Variants in GABRB1 observed in about 807,000 individuals in gnomAD.
The protein encoded by GABRB1 is gamma-aminobutyric acid type A receptor subunit beta1.
GABRB1 carries 17 observed loss-of-function variants against 51.6 expected under a neutral mutation model. That is an observed-to-expected ratio of 0.33 (90% CI 0.23 to 0.49). The LOEUF is 0.49. Among genes scored for constraint, GABRB1 ranks in the 20% least tolerant of loss-of-function variants. The pLI, the probability that GABRB1 is intolerant of heterozygous loss-of-function variation, is 0.99. For synonymous variants in GABRB1, 247 were observed against 218.9 expected, an observed-to-expected ratio of 1.13 and a Z score of -1.14; for missense variants, 410 against 600.6, an observed-to-expected ratio of 0.68 and a Z score of 3.32.
chr4:47,199,623 G>C (rs1275518967), intron 4 of GABRB1, among the ~76,000 whole-genome samples: 1 of 152,106 alleles, frequency 6.6e-6, no homozygotes, highest in Non-Finnish European at 1.5e-5. Flanking sequence ...GGGAGCCTTG[G>C]GCATAGAGGA....
At chr4:47,215,048 G>A (rs1384550105) in intron 4 of GABRB1, among the ~76,000 whole-genome samples, 1 of 152,036 alleles carries the variant, frequency 6.6e-6, no homozygotes, top group Non-Finnish European at 1.5e-5. Flanking sequence ...GTGTCGGTAT[G>A]GCCATGGGAT....
chr4:47,348,761 G>C (rs961508179), intron 5 of GABRB1, among the ~76,000 whole-genome samples: 1 of 152,140 alleles, frequency 6.6e-6, no homozygotes, highest in Non-Finnish European at 1.5e-5. Context: ...TGTGTTTTCA[G>C]AAATCACTCT....
chr4:47,354,983 T>TTG (rs1560348553), intron 5 of GABRB1, among the ~76,000 whole-genome samples: 1 of 94,622 alleles, frequency 1.1e-5, no homozygotes, highest in African/African-American at 4.3e-5. Flanking sequence ...TTCCTTTGTT[T>TTG]TTTTTTTTTT....
At chr4:47,004,732 C>A (rs1300949815) in intron 1 of GABRB1, among the ~76,000 whole-genome samples, 2 of 152,118 alleles carry the variant, frequency 1.3e-5, no homozygotes, top group African/African-American at 4.8e-5. Context: ...GACACAGTCT[C>A]TTCGAATCTG....
intron 4 of GABRB1, among the ~76,000 whole-genome samples, chr4:47,176,010 C>T (rs1167385876): frequency 1.3e-5 from 2 of 152,114 alleles, no homozygotes; most frequent in Admixed American, 1.3e-4. Flanking sequence ...TTGTACACAA[C>T]TAATTTTTCT....
At chr4:47,172,137 C>A (rs1275161171) in intron 4 of GABRB1, among the ~76,000 whole-genome samples, 1 of 152,274 alleles carries the variant, frequency 6.6e-6, no homozygotes, top group Middle Eastern at 3.4e-3. Flanking sequence ...GATTACGCAG[C>A]ATCCCATCAT....
Position 47,222,142 on chromosome 4 carries a change from A to G in GABRB1, c.461+60673A>G, listed in dbSNP as rs1010292186. On this transcript the variant is annotated intron_variant, in intron 4 of 8. Transcript: ENST00000295454. ...AGAAAGCAAAGCATCATCTCCATCAACTTCAGCTGGAAATGTGTGTGCCAG... is the reference window on the plus strand; with the variant it reads ...AGAAAGCAAAGCATCATCTCCATCAGCTTCAGCTGGAAATGTGTGTGCCAG... 3.9e-5 allele frequency among the ~76,000 whole-genome samples: 6 copies of G among 152,192 alleles called. No homozygotes were observed. In the East Asian group the frequency reaches 1.2e-3, roughly 29 times the overall value.
At chr4:47,235,588 T>C (rs983067551) in intron 4 of GABRB1, among the ~76,000 whole-genome samples, 1 of 151,892 alleles carries the variant, frequency 6.6e-6, no homozygotes, top group African/African-American at 2.4e-5. Flanking sequence ...CATAGCATTT[T>C]ATATCTAGAA....
chr4:47,038,909 G>C (rs1725711373), intron 3 of GABRB1, among the ~76,000 whole-genome samples: 1 of 152,086 alleles, frequency 6.6e-6, no homozygotes, highest in Non-Finnish European at 1.5e-5. Flanking sequence ...CTAAATATTA[G>C]TACATAGTTC....
intron 3 of GABRB1, among the ~76,000 whole-genome samples, chr4:47,118,869 C>A (rs1303557334): frequency 6.6e-6 from 1 of 152,070 alleles, no homozygotes; most frequent in Admixed American, 6.5e-5. Context: ...ATATTAACAA[C>A]CAAAACTGCT....
chr4:47,012,480 A>C (rs1411623493), intron 1 of GABRB1, among the ~76,000 whole-genome samples: 1 of 152,202 alleles, frequency 6.6e-6, no homozygotes, highest in Non-Finnish European at 1.5e-5. Flanking sequence ...CAGTTTGCTA[A>C]GGATAATGGT....
intron 4 of GABRB1, among the ~76,000 whole-genome samples, chr4:47,172,756 C>G (rs915786246): frequency 1.3e-5 from 2 of 148,712 alleles, no homozygotes; most frequent in Non-Finnish European, 3.0e-5. Flanking sequence ...AGTATCCTAC[C>G]TCAGCCTCCC....
chr4:47,032,609 C>G (rs41309288), intron 3 of GABRB1, 125 bp downstream of exon 3: 465,692 of 854,730 alleles, frequency 0.54, 127,951 homozygotes, highest in East Asian at 0.67. Flanking sequence ...CACTCCGCAC[C>G]CGCTCCCCGC....
intron 5 of GABRB1, among the ~76,000 whole-genome samples, chr4:47,354,986 T>TG (rs1560348572): frequency 2.3e-5 from 3 of 130,416 alleles, no homozygotes; most frequent in Admixed American, 7.6e-5. Flanking sequence ...CTTTGTTTTT[T>TG]TTTTTTTTTT....
At chr4:47,403,806 A>G in intron 7 of GABRB1, 95 bp downstream of exon 7, 2 of 1,217,656 alleles carry the variant, frequency 1.6e-6, no homozygotes, top group Non-Finnish European at 2.3e-6. Flanking sequence ...TCTTATAGCA[A>G]GCCAAAGAAT....
chr4:47,237,369 C>G (rs1347429840), intron 4 of GABRB1, among the ~76,000 whole-genome samples: 1 of 151,904 alleles, frequency 6.6e-6, no homozygotes, highest in African/African-American at 2.4e-5. Flanking sequence ...GTTTCATATT[C>G]TCTAGGAAAT....
At chr4:47,344,695 T>C (rs201227919) in intron 5 of GABRB1, among the ~76,000 whole-genome samples, 1 of 151,958 alleles carries the variant, frequency 6.6e-6, no homozygotes, top group Admixed American at 6.6e-5. Context: ...GCACATTTTT[T>C]TGTTTTGTTT....
chr4:47,235,382 C>G (rs538008497), intron 4 of GABRB1, among the ~76,000 whole-genome samples: 2 of 152,210 alleles, frequency 1.3e-5, no homozygotes, highest in African/African-American at 4.8e-5. Context: ...AAACCCGTCT[C>G]TACTAAAAAT....
chr4:47,082,186 A>T (rs1727878999), intron 3 of GABRB1, among the ~76,000 whole-genome samples: 1 of 152,084 alleles, frequency 6.6e-6, no homozygotes, highest in South Asian at 2.1e-4. Flanking sequence ...TATTTACATG[A>T]TACTTTTATA....
Sources: allele counts gnomAD v4.1 joint callset (sites outside exome capture counted in the v4.1 genomes callset), GRCh38; gene constraint gnomAD v4.1.1; transcripts MANE v1.5; gene names NCBI Gene and HGNC (gene_info 2026-07-23, HGNC 2026-07-21).